ITGA4: variants seen among roughly 807,000 people sequenced by gnomAD.
The protein encoded by ITGA4 is integrin subunit alpha 4, also known as integrin alpha-4.
Under a neutral mutation model 133.6 loss-of-function variants are expected in ITGA4, and 63 were observed. The ratio of observed to expected loss-of-function variants is 0.47; its 90% confidence interval spans 0.38 to 0.58. The LOEUF (loss-of-function observed/expected upper bound fraction) is 0.58, where lower values mean the gene tolerates loss of function less well. Ranked by LOEUF, ITGA4 falls within the 20% of genes least tolerant of loss-of-function variation. ITGA4 has a pLI of 0.00. For missense variants in ITGA4, 1,076 were observed against 1,252.7 expected, an observed-to-expected ratio of 0.86 and a Z score of 2.13; for synonymous variants, 483 against 438.0, an observed-to-expected ratio of 1.10 and a Z score of -1.28.
In ITGA4 at chr2:181,487,160, C is replaced by T. The variant is rs114943268; in HGVS notation, c.1153+1168C>T. Among the ~76,000 whole-genome samples the T allele has an allele frequency of 9.9e-3, 1,509 of 152,214 alleles. 18 individuals carry two copies. The highest frequency in any genetic ancestry group is 0.014 in the Non-Finnish European group (965 of 68,002). ...TATACTTTTGGTTATTACGATTACA[C>T]ATAATTTTTTTAAAAAACATGTATG... On this transcript the variant is annotated intron_variant, in intron 10 of 27. Transcript: ENST00000397033.
At position 181,480,173 on chromosome 2, in the gene ITGA4, T is replaced by C. The variant is rs773582112; in HGVS notation, c.661T>C (p.Trp221Arg). 3 of 1,564,150 alleles carry C rather than the reference T, an allele frequency of 1.9e-6. No homozygotes were observed. Among genetic ancestry groups the C allele is most frequent in the Non-Finnish European group, 2.6e-6 (3 of 1,157,874 alleles). Residue 221 changes from tryptophan (W) to arginine (R), a missense_variant, in exon 6 of 28, where the codon TGG becomes CGG. Physicochemically the swap from Trp to Arg is moderately radical, Grantham distance 101. Around this residue, in one of 4 missense-constraint regions of ITGA4, gnomAD observed 436 missense variants for 590.7 expected, o/e 0.74. Transcript: ENST00000397033. ...GATGGGGGCCCCAGGATCATCTTAC[T>C]GGACTGGCTCTCTTTTTGTCTACAA... Reference protein sequence around the residue: ...IVMGAPGSSYWTGSLFVYNIT... With the variant: ...IVMGAPGSSYRTGSLFVYNIT...
rs964135266 is a variant in ITGA4 at position 181,538,526 on chromosome 2, C to T, written c.*2999C>T. On this transcript the variant is annotated 3_prime_UTR_variant, in exon 28 of 28. Coordinates refer to ENST00000397033, the MANE Select transcript of ITGA4 (RefSeq NM_000885.6). ...TAGAACACCCATGTCTAGTGGGCAC[C>T]CCTGCATGCTTCTTCTAACCACTGA... Among the ~76,000 whole-genome samples the T allele has an allele frequency of 1.3e-5, 2 of 152,106 alleles. No homozygotes were observed. The highest frequency in any genetic ancestry group is 4.8e-5 in the African/African-American group (2 of 41,426).
At chr2:181,471,440 T>C (rs1685548396) in intron 2 of ITGA4, among the ~76,000 whole-genome samples, 3 of 152,318 alleles carry the variant, frequency 2.0e-5, no homozygotes, top group South Asian at 2.1e-4. Flanking sequence ...AAAATACTTA[T>C]TCCTACAAGA....
intron 15 of ITGA4, among the ~76,000 whole-genome samples, chr2:181,508,859 A>C (rs1686445125): frequency 6.6e-6 from 1 of 151,880 alleles, no homozygotes; most frequent in Admixed American, 6.6e-5. Flanking sequence ...AAGAAAGAAA[A>C]GGGCTGGGTA....
chr2:181,475,931 G>C (rs536285094), intron 4 of ITGA4: 1 of 1,481,378 alleles, frequency 6.8e-7, no homozygotes, highest in African/African-American at 1.4e-5. Context: ...CCAACAATGC[G>C]TCTTTAGGAG....
chr2:181,473,989 C>A (rs1161188109), intron 2 of ITGA4, among the ~76,000 whole-genome samples: 1 of 152,134 alleles, frequency 6.6e-6, no homozygotes, highest in Admixed American at 6.5e-5. Context: ...GTTCCACATC[C>A]TTATCCAATC....
At chr2:181,483,316 C>T (rs865787744) in intron 9 of ITGA4, among the ~76,000 whole-genome samples, 22 of 152,146 alleles carry the variant, frequency 1.4e-4, no homozygotes, top group African/African-American at 5.3e-4. Flanking sequence ...TCTTGCCAGC[C>T]TAGATTCTTG....
chr2:181,537,878 G>GAGCAATGGAGCATTACTGAGTTCC lies in ITGA4; in HGVS notation c.*2352_*2375dup, dbSNP rs1559065081. 2 of 539,068 alleles carry GAGCAATGGAGCATTACTGAGTTCC rather than the reference G, an allele frequency of 3.7e-6. No individual in the cohort carries two copies. The highest frequency in any genetic ancestry group is 3.8e-5 in the African/African-American group (2 of 53,332). The allele number at this position is 539,068 out of a possible 1,614,324, so 33.4% of individuals were successfully genotyped here. A position where few individuals can be genotyped will look rare whatever the true frequency, so the allele number is the denominator to read the frequency against. On this transcript the variant is annotated 3_prime_UTR_variant, in exon 28 of 28. Coordinates refer to ENST00000397033, the MANE Select transcript of ITGA4 (RefSeq NM_000885.6). ...CGTTTGGCCACACAGCAGGAGGTTA[G>GAGCAATGGAGCATTACTGAGTTCC]AGCAATGGAGCATTACTGAGTTCCT...
intron 25 of ITGA4, among the ~76,000 whole-genome samples, chr2:181,532,992 TAAG>T (rs1686975621): frequency 6.6e-6 from 1 of 152,054 alleles, no homozygotes; most frequent in South Asian, 2.1e-4. Flanking sequence ...AAAATATAGC[TAAG>T]AAGAAAAACT....
chr2:181,494,710 C>T lies in ITGA4; in HGVS notation c.1249-12C>T. ...CAAAAACTACTTCCCACTCAACTTT[C>T]CTATTTTTCAGAGAATTGAAGGACT... On this transcript the variant is annotated splice_polypyrimidine_tract_variant and intron_variant, in intron 11 of 27. Coordinates refer to ENST00000397033, the MANE Select transcript of ITGA4 (RefSeq NM_000885.6). 1 of 1,466,494 alleles carries T rather than the reference C, an allele frequency of 6.8e-7. No individual in the cohort carries two copies. The highest frequency in any genetic ancestry group is 9.6e-7 in the Non-Finnish European group (1 of 1,045,824). 90.8% of individuals were successfully genotyped at this position (1,466,494 alleles called of 1,614,324 possible). A position where few individuals can be genotyped will look rare whatever the true frequency, so the allele number is the denominator to read the frequency against.
At chr2:181,512,333 A>T (rs1466322195) in intron 17 of ITGA4, among the ~76,000 whole-genome samples, 1 of 152,056 alleles carries the variant, frequency 6.6e-6, no homozygotes, top group African/African-American at 2.4e-5. Context: ...GGAGATTGGG[A>T]TATAAATGGA....
chr2:181,494,029 G>A (rs747489695), intron 11 of ITGA4, among the ~76,000 whole-genome samples: 2 of 152,136 alleles, frequency 1.3e-5, no homozygotes, highest in Non-Finnish European at 2.9e-5. Context: ...AGAAAAATGA[G>A]CAAATGGTTC....
chr2:181,529,602 C>T lies in ITGA4; in HGVS notation c.2492C>T (p.Ser831Phe). ...NVSVEIMVPNSFSPQTDKLFN... is the reference protein window; with the variant it reads ...NVSVEIMVPNFFSPQTDKLFN... ...AGTGTGGAAATAATGGTACCAAATT[C>T]TTTTAGCCCCCAAACTGATAAGCTG... is the stretch of plus-strand genomic sequence containing the variant. The change falls in exon 23 of 28, where the codon TCT (serine) becomes TTT (phenylalanine). Residue 831 changes from serine to phenylalanine, a missense_variant. Ser to Phe is a radical substitution (Grantham distance 155). Coordinates refer to ENST00000397033, the MANE Select transcript of ITGA4 (RefSeq NM_000885.6). The T allele has an allele frequency of 6.2e-7, 1 of 1,609,136 alleles. No homozygotes were observed. The highest frequency in any genetic ancestry group is 8.5e-7 in the Non-Finnish European group (1 of 1,175,846).
chr2:181,461,077 G>A (rs1174794122), intron 2 of ITGA4, among the ~76,000 whole-genome samples: 2 of 151,236 alleles, frequency 1.3e-5, no homozygotes, highest in Admixed American at 6.6e-5. Flanking sequence ...TCAGATCAGT[G>A]GTTGATTCAG....
intron 25 of ITGA4, 70 bp from the exon 26 acceptor site, chr2:181,534,202 G>T (rs1490779936): frequency 1.0e-6 from 1 of 956,220 alleles, no homozygotes; most frequent in Non-Finnish European, 1.6e-6. Flanking sequence ...TAGCTAGAAG[G>T]TAAAGATCCT....
intron 20 of ITGA4, among the ~76,000 whole-genome samples, chr2:181,524,930 C>A (rs1006067582): frequency 2.0e-5 from 3 of 150,640 alleles, no homozygotes; most frequent in African/African-American, 7.3e-5. Flanking sequence ...GTTAAAAAAT[C>A]TTTTAATCTA....
chr2:181,490,784 G>A (rs4667308), intron 10 of ITGA4, among the ~76,000 whole-genome samples: 16,655 of 152,118 alleles, frequency 0.11, 1,222 homozygotes, highest in East Asian at 0.26. Context: ...GGTTGTGAGA[G>A]TTACTTGGGT....
At chr2:181,458,379 AG>A in intron 2 of ITGA4, 62 bp downstream of exon 2, 1 of 1,571,006 alleles carries the variant, frequency 6.4e-7, no homozygotes, top group Non-Finnish European at 8.7e-7. Context: ...ACCCCACCAT[AG>A]GGCAAGTCCT....
At position 181,527,374 on chromosome 2, in the gene ITGA4, A is replaced by C; in HGVS notation, c.2417A>C (p.Asn806Thr). The C allele has an allele frequency of 1.9e-6, 3 of 1,606,596 alleles. No individual in the cohort carries two copies. The highest frequency in any genetic ancestry group is 2.6e-6 in the Non-Finnish European group (3 of 1,173,310). ...EPETCMVEKM[N>T]LTFHVINTGN... Reference sequence around the variant, plus strand: ...GAAACGTGCATGGTGGAGAAAATGAACTTAACTTTCCATGTAAGAAAAGTT... The same window carrying C: ...GAAACGTGCATGGTGGAGAAAATGACCTTAACTTTCCATGTAAGAAAAGTT... Residue 806 changes from asparagine to threonine, a missense_variant, in exon 22 of 28, where the codon AAC becomes ACC. Around this residue, in one of 4 missense-constraint regions of ITGA4, gnomAD observed 365 missense variants for 421.4 expected, o/e 0.87. Transcript: ENST00000397033.
Sources: gnomAD v4.1 joint callset for allele counts (sites outside exome capture counted in the v4.1 genomes callset) on GRCh38, gnomAD v4.1.1 for gene constraint, gnomAD v4.1.1 regional missense constraint, MANE v1.5 for transcripts, NCBI Gene and HGNC (gene_info 2026-07-23, HGNC 2026-07-21) for gene names.